DOCK4: variants seen among roughly 807,000 people sequenced by gnomAD.
The protein encoded by DOCK4 is dedicator of cytokinesis 4.
Under a neutral mutation model 268.1 loss-of-function variants are expected in DOCK4, and 97 were observed. The observed-to-expected ratio is 0.36, with a 90% CI of 0.31 to 0.43. The LOEUF is 0.43. Among genes scored for constraint, DOCK4 ranks in the 20% least tolerant of loss-of-function variants. The pLI is 1.00. For missense variants in DOCK4, 2,145 were observed against 2,455.7 expected (o/e 0.87, Z 2.67); for synonymous variants, 954 against 887.2 (o/e 1.08, Z -1.34).
At position 111,861,756 on chromosome 7, in the gene DOCK4, AAAAAT is replaced by A. The variant is rs1466792106; in HGVS notation, c.2473+1611_2473+1615del. Among the ~76,000 whole-genome samples the A allele has an allele frequency of 7.7e-3, 1,111 of 143,586 alleles. 13 individuals are homozygous for A. The highest frequency in any genetic ancestry group is 0.027 in the African/African-American group (1,049 of 38,622). The allele number at this position is 143,586 out of a possible 152,430, so 94.2% of individuals were successfully genotyped here. A position where few individuals can be genotyped will look rare whatever the true frequency, so the allele number is the denominator to read the frequency against. On this transcript the variant is annotated intron_variant, in intron 23 of 52. Transcript: ENST00000428084. ...GCAAGACTCAGTCTCAAAAAAAAAA[AAAAAT>A]AATAATAATAATATTAATAAAAAAA...
At position 111,994,250 on chromosome 7, in the gene DOCK4, A is replaced by G; in HGVS notation, c.219-19T>C. On this transcript the variant is annotated intron_variant, in intron 4 of 52. Coordinates refer to ENST00000428084, the MANE Select transcript of DOCK4 (RefSeq NM_001363540.2). ...AAATTGTCTGTGAAATTAAAAAAGA[A>G]AAAGTATATATGTAAATACCATAGA... 2.0e-6 allele frequency: 3 copies of G among 1,495,070 alleles called. No homozygotes were observed. Among genetic ancestry groups the G allele is most frequent in the Middle Eastern group, 1.8e-4 (1 of 5,680 alleles). 92.6% of individuals were successfully genotyped at this position (1,495,070 alleles called of 1,614,324 possible).
intron 1 of DOCK4, among the ~76,000 whole-genome samples, chr7:112,066,739 A>ATATATC (rs1711596797): frequency 1.1e-5 from 1 of 91,568 alleles, no homozygotes; most frequent in African/African-American, 4.1e-5. Context: ...ATATATATAT[A>ATATATC]TATCTCCTAT....
chr7:111,954,877 T>G (rs994288548), intron 8 of DOCK4, among the ~76,000 whole-genome samples: 22 of 152,086 alleles, frequency 1.4e-4, no homozygotes, highest in African/African-American at 5.3e-4. Context: ...CCAACCTGAT[T>G]GTGTACAATA....
At chr7:111,919,370 G>C (rs1328306883) in intron 12 of DOCK4, among the ~76,000 whole-genome samples, 1 of 152,052 alleles carries the variant, frequency 6.6e-6, no homozygotes, top group Non-Finnish European at 1.5e-5. Context: ...GAGTGCAAAA[G>C]GACAGAGAGG....
At chr7:111,734,998 G>T (rs1795369940) in intron 51 of DOCK4, 56 bp downstream of exon 51, 8 of 1,342,714 alleles carry the variant, frequency 6.0e-6, no homozygotes, top group Non-Finnish European at 7.3e-6. Context: ...ACAAACTGGA[G>T]TAGTCAATAA....
chr7:112,052,083 A>G (rs960810505), intron 1 of DOCK4, among the ~76,000 whole-genome samples: 3 of 152,178 alleles, frequency 2.0e-5, no homozygotes, highest in African/African-American at 7.2e-5. Context: ...ACTTTAAATC[A>G]TCTCTAGATT....
rs769361750 is a variant in DOCK4 at position 111,790,577 on chromosome 7, G to A, written c.3195C>T (p.Ala1065=). 3.7e-6 allele frequency: 6 copies of A among 1,613,548 alleles called. No individual in the cohort carries two copies. The East Asian group carries it at 6.7e-5, about 18-fold the overall frequency. ...TCACTTCTAGGAAGGGGCCAATCAGGGCAGGGATAAAATGAAGCTTGTGCT... is the reference window on the plus strand; with the variant it reads ...TCACTTCTAGGAAGGGGCCAATCAGAGCAGGGATAAAATGAAGCTTGTGCT... ...LGEHKLHFIP[A]LIGPFLEVTL... The change falls in exon 31 of 53, where the codon GCC becomes GCT. Residue 1065 remains alanine (A), a synonymous_variant. Coordinates refer to ENST00000428084, the MANE Select transcript of DOCK4 (RefSeq NM_001363540.2).
Position 111,901,821 on chromosome 7 carries a change from A to G in DOCK4, c.1193-20T>C, listed in dbSNP as rs1209187520. On this transcript the variant is annotated intron_variant, in intron 13 of 52. Transcript: ENST00000428084. ...TTTCACCTATAAGGAAAGGAAAATT[A>G]AAACCATGTTATATATATATGAGGA... The G allele has an allele frequency of 4.6e-6, 7 of 1,505,442 alleles. No homozygotes were observed. Among genetic ancestry groups the G allele is most frequent in the Non-Finnish European group, 6.4e-6 (7 of 1,099,806 alleles). The allele number at this position is 1,505,442 out of a possible 1,614,324, so 93.3% of individuals were successfully genotyped here.
chr7:112,176,687 C>T (rs1818539254), intron 1 of DOCK4, among the ~76,000 whole-genome samples: 2 of 152,166 alleles, frequency 1.3e-5, no homozygotes, highest in African/African-American at 4.8e-5. Context: ...ACACCAAGTC[C>T]TACTCAGTAA....
At chr7:112,036,226 C>CA (rs547201705) in intron 1 of DOCK4, among the ~76,000 whole-genome samples, 13 of 147,416 alleles carry the variant, frequency 8.8e-5, no homozygotes, top group East Asian at 5.9e-4. Context: ...ATAAACAAAC[C>CA]AAAAAAAAAG....
rs111824228 is a variant in DOCK4 at position 112,070,022 on chromosome 7, A to G, written c.38-65891T>C. On this transcript the variant is annotated intron_variant, in intron 1 of 52. Coordinates refer to ENST00000428084, the MANE Select transcript of DOCK4 (RefSeq NM_001363540.2). ...GGAGTTCCGATCTTAGCCAGAAAACAATGGTGATCCATTGAAGGATTTGGA... is the reference window on the plus strand; with the variant it reads ...GGAGTTCCGATCTTAGCCAGAAAACGATGGTGATCCATTGAAGGATTTGGA... Among the ~76,000 whole-genome samples the G allele has an allele frequency of 9.0e-3, 1,370 of 152,292 alleles. 12 individuals are homozygous for G. The highest frequency in any genetic ancestry group is 0.044 in the Middle Eastern group (13 of 294).
chr7:112,103,216 T>A (rs1810845361), intron 1 of DOCK4, among the ~76,000 whole-genome samples: 1 of 152,204 alleles, frequency 6.6e-6, no homozygotes, highest in African/African-American at 2.4e-5. Context: ...AGCACATAAT[T>A]CACTTTTATG....
At chr7:111,914,294 TC>T (rs1470741140) in intron 13 of DOCK4, among the ~76,000 whole-genome samples, 1 of 152,190 alleles carries the variant, frequency 6.6e-6, no homozygotes, top group East Asian at 1.9e-4. Context: ...CAAACCGGTC[TC>T]CCTGTTTCTC....
rs7801388 is a variant in DOCK4 at position 111,767,142 on chromosome 7, A to G, written c.3829-24T>C. On this transcript the variant is annotated intron_variant, in intron 37 of 52. Transcript: ENST00000428084. ...CACTGTGGACAAATGAATGAGATCA[A>G]TGGAACCATCTGACAATATCCACTT... 27,126 of 1,597,590 alleles carry G rather than the reference A, an allele frequency of 0.017. 2,934 individuals are homozygous for G. In the African/African-American group the frequency reaches 0.27, roughly 16 times the overall value.
chr7:112,040,982 A>T (rs1804302936), intron 1 of DOCK4, among the ~76,000 whole-genome samples: 1 of 150,234 alleles, frequency 6.7e-6, no homozygotes, highest in Non-Finnish European at 1.5e-5. Flanking sequence ...TTTAGAGGTA[A>T]TTTTTTTTTT....
intron 1 of DOCK4, among the ~76,000 whole-genome samples, chr7:112,184,788 C>T (rs573769561): frequency 2.1e-4 from 21 of 100,232 alleles, no homozygotes; most frequent in South Asian, 8.0e-4. Flanking sequence ...CCCCTACAAT[C>T]CCCCCCCCTT....
intron 2 of DOCK4, among the ~76,000 whole-genome samples, chr7:112,001,576 T>C (rs1054172554): frequency 1.3e-5 from 2 of 151,326 alleles, no homozygotes; most frequent in African/African-American, 4.9e-5. Flanking sequence ...ATAAAGTGCT[T>C]TAAGTGAAAA....
At chr7:111,771,759 C>T (rs767538442) in intron 36 of DOCK4, among the ~76,000 whole-genome samples, 7 of 152,162 alleles carry the variant, frequency 4.6e-5, no homozygotes, top group African/African-American at 7.2e-5. Context: ...TCTTGTCATC[C>T]GAACAAGCTG....
intron 47 of DOCK4, among the ~76,000 whole-genome samples, chr7:111,740,811 A>G (rs553797142): frequency 6.9e-6 from 1 of 144,228 alleles, no homozygotes; most frequent in East Asian, 2.1e-4. Context: ...AGAGTCCTGG[A>G]CTGCAGAAGG....
Sources: allele counts gnomAD v4.1 joint callset (sites outside exome capture counted in the v4.1 genomes callset), GRCh38; gene constraint gnomAD v4.1.1; transcripts MANE v1.5; gene names NCBI Gene and HGNC (gene_info 2026-07-23, HGNC 2026-07-21).